The following CRIM1 variants were observed in gnomAD, a reference collection of about 807,000 sequenced individuals.
CRIM1 encodes the protein cysteine-rich motor neuron 1 protein.
Under a neutral mutation model 116.4 loss-of-function variants are expected in CRIM1, and 32 were observed. That is an observed-to-expected ratio of 0.27 (90% CI 0.21 to 0.37). The LOEUF (loss-of-function observed/expected upper bound fraction) is 0.37, where lower values mean the gene tolerates loss of function less well. Among genes scored for constraint, CRIM1 ranks in the 10% least tolerant of loss-of-function variants. The pLI, the probability that CRIM1 is intolerant of heterozygous loss-of-function variation, is 1.00. For missense variants in CRIM1, 1,331 were observed against 1,354.8 expected, an observed-to-expected ratio of 0.98 and a Z score of 0.28; for synonymous variants, 590 against 509.2, an observed-to-expected ratio of 1.16 and a Z score of -2.13.
At chr2:36,515,696 C>T (rs776822849) in intron 11 of CRIM1, among the ~76,000 whole-genome samples, 3 of 152,236 alleles carry the variant, frequency 2.0e-5, no homozygotes, top group Admixed American at 6.5e-5. Flanking sequence ...ATGTCTCTGG[C>T]CCCTCTTGTG....
chr2:36,509,370 T>C (rs1035687638), intron 8 of CRIM1, among the ~76,000 whole-genome samples: 3 of 152,034 alleles, frequency 2.0e-5, no homozygotes, highest in South Asian at 4.2e-4. Flanking sequence ...CTACTAAAAA[T>C]ACAAAAATTA....
chr2:36,479,613 C>T lies in CRIM1; in HGVS notation c.1291C>T (p.Arg431Cys), dbSNP rs998744411. 8 of 1,614,240 alleles carry T rather than the reference C, an allele frequency of 5.0e-6. No individual in the cohort carries two copies. Among genetic ancestry groups the T allele is most frequent in the Middle Eastern group, 1.6e-4 (1 of 6,062 alleles). The change falls in exon 7 of 17, where the codon CGC becomes TGC. Residue 431 changes from arginine to cysteine, a missense_variant. Around this residue, in one of 3 missense-constraint regions of CRIM1, gnomAD observed 690 missense variants for 676.0 expected, o/e 1.02. Coordinates refer to ENST00000280527, the MANE Select transcript of CRIM1 (RefSeq NM_016441.3). Reference protein sequence around the residue: ...CTFCQCVNGERHCVATVCGQT... With the variant: ...CTFCQCVNGECHCVATVCGQT... ...ATTCTGCCAGTGCGTCAACGGTGAA[C>T]GCCACTGCGTTGCGACCGTCTGCGG... is the stretch of plus-strand genomic sequence containing the variant.
rs763625310 is a variant in CRIM1, at chr2:36,548,516, A to T, written c.2935-9A>T. The stretch of plus-strand genomic sequence containing the variant: ...TTTTTGTGGTTTTATTCCTCCTCTC[A>T]TTAAATAGCCTTCTTCCTTAAATAA... On this transcript the variant is annotated splice_polypyrimidine_tract_variant and intron_variant, in intron 16 of 16. Transcript: ENST00000280527. 1.9e-5 allele frequency: 29 copies of T among 1,547,030 alleles called. No individual in the cohort carries two copies. The highest frequency in any genetic ancestry group is 4.5e-5 in the Admixed American group (2 of 44,622).
intron 1 of CRIM1, among the ~76,000 whole-genome samples, 168 bp from the exon 2 acceptor site, chr2:36,396,446 G>A (rs1182204683): frequency 6.6e-6 from 1 of 152,132 alleles, no homozygotes; most frequent in Admixed American, 6.5e-5. Context: ...CAGTTATTAT[G>A]AAGAGATTGG....
At chr2:36,357,020 C>T (rs945569551) in intron 1 of CRIM1, among the ~76,000 whole-genome samples, 1 of 152,212 alleles carries the variant, frequency 6.6e-6, no homozygotes, top group African/African-American at 2.4e-5. Flanking sequence ...CTACCGCCCT[C>T]CCCGCACTGG....
At chr2:36,391,183 G>A (rs1300913625) in intron 1 of CRIM1, among the ~76,000 whole-genome samples, 2 of 124,202 alleles carry the variant, frequency 1.6e-5, no homozygotes, top group Admixed American at 1.0e-4. Flanking sequence ...AGGCTGGAGT[G>A]CAGTGACATG....
intron 2 of CRIM1, among the ~76,000 whole-genome samples, chr2:36,424,223 T>A (rs962887014): frequency 5.3e-5 from 8 of 152,170 alleles, no homozygotes; most frequent in Admixed American, 6.5e-5. Context: ...GTGCATAAAG[T>A]CTACGAAAAT....
Position 36,512,788 on chromosome 2 carries a change from T to C in CRIM1, c.1780+394T>C, listed in dbSNP as rs946537378. On this transcript the variant is annotated intron_variant, in intron 10 of 16. Transcript: ENST00000280527. ...CTAGAGGGTGGGTATAGCTCAGAAG[T>C]TAGCTGCTGTATTTCCAGATAACAG... Among the ~76,000 whole-genome samples the C allele has an allele frequency of 5.3e-5, 8 of 152,174 alleles. No individual in the cohort carries two copies. In the East Asian group the frequency reaches 1.5e-3, roughly 29 times the overall value.
chr2:36,513,286 A>G (rs1664808832), intron 10 of CRIM1: 2 of 426,804 alleles, frequency 4.7e-6, no homozygotes, highest in Non-Finnish European at 8.5e-6. Context: ...ATTGTATAAA[A>G]TATGAGAAAG....
At position 36,520,281 on chromosome 2, in the gene CRIM1, C is replaced by CCTTCTT. The variant is rs527700284; in HGVS notation, c.2207-1804_2207-1799dup. Among the ~76,000 whole-genome samples the CCTTCTT allele has an allele frequency of 1.7e-4, 26 of 152,334 alleles. No individual in the cohort carries two copies. In the East Asian group the frequency reaches 3.9e-3, roughly 23 times the overall value. ...ATTCCATAGCTTCAGCACGGCTGTC[C>CCTTCTT]CTTCTTCTTCTTTTCAGTTTTTAGA... is the stretch of plus-strand genomic sequence containing the variant. On this transcript the variant is annotated intron_variant, in intron 12 of 16. Transcript: ENST00000280527.
intron 8 of CRIM1, among the ~76,000 whole-genome samples, chr2:36,503,600 C>A (rs1056526016): frequency 2.0e-5 from 3 of 150,974 alleles, no homozygotes; most frequent in Non-Finnish European, 3.0e-5. Flanking sequence ...AGGACACTCA[C>A]ACCAACAGCT....
chr2:36,548,166 G>T (rs546034930), intron 16 of CRIM1, among the ~76,000 whole-genome samples: 3 of 152,130 alleles, frequency 2.0e-5, no homozygotes, highest in African/African-American at 7.2e-5. Flanking sequence ...GTGGTTAGAA[G>T]TCATCCCTTT....
chr2:36,410,414 T>A (rs3770913), intron 2 of CRIM1, among the ~76,000 whole-genome samples: 103,578 of 152,032 alleles, frequency 0.68, 35,596 homozygotes, highest in East Asian at 0.89. Context: ...ATCCATTTAT[T>A]TGTCTGCAGA....
chr2:36,441,997 C>T (rs1367945938), intron 3 of CRIM1, among the ~76,000 whole-genome samples: 4 of 152,238 alleles, frequency 2.6e-5, no homozygotes, highest in Non-Finnish European at 4.4e-5. Context: ...AATTCCCCCG[C>T]ATCTGCCCTC....
chr2:36,488,983 C>T (rs1294256118), intron 7 of CRIM1, among the ~76,000 whole-genome samples: 2 of 152,190 alleles, frequency 1.3e-5, no homozygotes, highest in Non-Finnish European at 2.9e-5. Flanking sequence ...AGCATGCGTT[C>T]TGTGTGCTTA....
intron 2 of CRIM1, among the ~76,000 whole-genome samples, chr2:36,440,809 G>A (rs991486047): frequency 1.6e-4 from 25 of 152,132 alleles, no homozygotes; most frequent in African/African-American, 5.3e-4. Flanking sequence ...GTTGATTGTC[G>A]TACACATTGT....
At chr2:36,375,044 G>T (rs1009454041) in intron 1 of CRIM1, among the ~76,000 whole-genome samples, 7 of 151,146 alleles carry the variant, frequency 4.6e-5, no homozygotes, top group Non-Finnish European at 1.0e-4. Flanking sequence ...TGTTTACTTA[G>T]TATGAAAAAT....
At chr2:36,374,530 A>C (rs543043635) in intron 1 of CRIM1, among the ~76,000 whole-genome samples, 156 of 152,194 alleles carry the variant, frequency 1.0e-3, no homozygotes, top group Non-Finnish European at 1.5e-3. Flanking sequence ...TTTTATCCCC[A>C]TCTAACATTA....
At chr2:36,521,661 A>G (rs1665402088) in intron 12 of CRIM1, among the ~76,000 whole-genome samples, 1 of 152,204 alleles carries the variant, frequency 6.6e-6, no homozygotes, top group African/African-American at 2.4e-5. Context: ...CCTTCTTTGA[A>G]GAAAGTGAAA....
Sources: gnomAD v4.1 joint callset for allele counts (sites outside exome capture counted in the v4.1 genomes callset) on GRCh38, gnomAD v4.1.1 for gene constraint, gnomAD v4.1.1 regional missense constraint, MANE v1.5 for transcripts, NCBI Gene and HGNC (gene_info 2026-07-23, HGNC 2026-07-21) for gene names.